Variants in CUL1 observed in about 807,000 individuals in gnomAD.
CUL1 encodes the protein cullin 1.
A neutral mutation model predicts 118.0 loss-of-function variants in CUL1; 24 were observed. The observed-to-expected ratio is 0.20, with a 90% confidence interval of 0.15 to 0.29. The LOEUF (loss-of-function observed/expected upper bound fraction) is 0.29. CUL1 is among the 10% of genes least tolerant of loss of function. The probability of loss-of-function intolerance (pLI) is 1.00; values close to 1 mark genes in which losing one functional copy is unlikely to be tolerated. For missense variants in CUL1, 361 were observed against 933.8 expected (o/e 0.39, Z 7.99); for synonymous variants, 332 against 340.4 (o/e 0.98, Z 0.27).
chr7:148,756,333 C>T (rs908783916), intron 3 of CUL1, among the ~76,000 whole-genome samples: 1 of 148,084 alleles, frequency 6.8e-6, no homozygotes, highest in Non-Finnish European at 1.5e-5. Context: ...ATGTTGATTT[C>T]TTTTTTTTTT....
intron 1 of CUL1, among the ~76,000 whole-genome samples, chr7:148,725,025 T>C (rs557091361): frequency 3.3e-5 from 5 of 152,190 alleles, no homozygotes; most frequent in South Asian, 2.1e-4. Flanking sequence ...TTATAAGATA[T>C]GGATATATAG....
intron 1 of CUL1, among the ~76,000 whole-genome samples, chr7:148,705,158 A>C (rs893341782): frequency 6.6e-6 from 1 of 152,192 alleles, no homozygotes; most frequent in Non-Finnish European, 1.5e-5. Context: ...AAACTGTCCT[A>C]ATCTCATGAA....
At chr7:148,793,894 C>G (rs1289409854) in intron 17 of CUL1, among the ~76,000 whole-genome samples, 1 of 152,086 alleles carries the variant, frequency 6.6e-6, no homozygotes, top group Non-Finnish European at 1.5e-5. Context: ...TTCTCCATAT[C>G]CTCACCAACA....
chr7:148,783,601 A>T (rs1276590679), intron 9 of CUL1, 182 bp from the exon 10 acceptor site: 2 of 1,515,502 alleles, frequency 1.3e-6, no homozygotes, highest in African/African-American at 2.8e-5. Context: ...ATATATATAA[A>T]CAAAATGTCC....
At position 148,745,310 on chromosome 7, in the gene CUL1, A is replaced by G. The variant is rs1584785735; in HGVS notation, c.141-8666A>G. Among the ~76,000 whole-genome samples the G allele has an allele frequency of 2.6e-5, 4 of 152,296 alleles. No homozygotes were observed. In the South Asian group the frequency reaches 6.2e-4, roughly 24 times the overall value. ...AGTTGCTTTAGAGTCTTTGTCTCCT[A>G]ATTCCAACATTTGGGTCAACTACAG... On this transcript the variant is annotated intron_variant, in intron 2 of 21. Transcript: ENST00000325222.
In CUL1 at chr7:148,745,572, T is replaced by A. The variant is rs1255211781; in HGVS notation, c.141-8404T>A. ...TACTTCGGTACATTTAAAATTGGAA[T>A]CATGGTTTAAGTAACTGAAAGTTTC... On this transcript the variant is annotated intron_variant, in intron 2 of 21. Coordinates refer to ENST00000325222, the MANE Select transcript of CUL1 (RefSeq NM_003592.3). Among the ~76,000 whole-genome samples the A allele has an allele frequency of 2.6e-5, 4 of 152,332 alleles. No individual in the cohort carries two copies. The East Asian group carries it at 7.7e-4, about 29-fold the overall frequency.
chr7:148,701,386 C>T (rs1797717710), intron 1 of CUL1, among the ~76,000 whole-genome samples: 1 of 152,154 alleles, frequency 6.6e-6, no homozygotes, highest in African/African-American at 2.4e-5. Flanking sequence ...AGGGCCCTAA[C>T]AGAAAAATGC....
intron 2 of CUL1, among the ~76,000 whole-genome samples, chr7:148,750,207 A>G (rs1799441506): frequency 6.6e-6 from 1 of 152,198 alleles, no homozygotes; most frequent in African/African-American, 2.4e-5. Flanking sequence ...CAGAAAATCT[A>G]GGATCATTGA....
chr7:148,743,420 T>G (rs1360184842), intron 2 of CUL1, among the ~76,000 whole-genome samples: 1 of 152,218 alleles, frequency 6.6e-6, no homozygotes, highest in Non-Finnish European at 1.5e-5. Context: ...GGCTTTTCTT[T>G]TTTTCTTTTC....
chr7:148,711,855 G>C (rs1798064925), intron 1 of CUL1, among the ~76,000 whole-genome samples: 1 of 152,182 alleles, frequency 6.6e-6, no homozygotes, highest in South Asian at 2.1e-4. Flanking sequence ...GAGGATTGTG[G>C]GAACTGTGAA....
At chr7:148,734,117 C>T (rs1385827333) in intron 2 of CUL1, among the ~76,000 whole-genome samples, 1 of 152,116 alleles carries the variant, frequency 6.6e-6, no homozygotes, top group Non-Finnish European at 1.5e-5. Context: ...AGCCATTTCT[C>T]AGACTTGGTT....
chr7:148,773,497 G>A (rs907350731), intron 9 of CUL1, among the ~76,000 whole-genome samples: 4 of 152,148 alleles, frequency 2.6e-5, no homozygotes, highest in Non-Finnish European at 4.4e-5. Flanking sequence ...TGCACCATGG[G>A]TGGTACAGCC....
chr7:148,750,031 C>G (rs1031403725), intron 2 of CUL1, among the ~76,000 whole-genome samples: 3 of 152,186 alleles, frequency 2.0e-5, no homozygotes, highest in African/African-American at 7.2e-5. Flanking sequence ...CAGAGCAAGG[C>G]CCTAACTCTC....
At chr7:148,707,889 T>C (rs1300659704) in intron 1 of CUL1, among the ~76,000 whole-genome samples, 1 of 152,232 alleles carries the variant, frequency 6.6e-6, no homozygotes, top group Non-Finnish European at 1.5e-5. Context: ...GGGTGAACGC[T>C]GTTCTCAGGA....
chr7:148,703,144 G>A (rs1051797387), intron 1 of CUL1, among the ~76,000 whole-genome samples: 1 of 152,182 alleles, frequency 6.6e-6, no homozygotes. Context: ...GATGGAAGAA[G>A]ACTAGAAGAG....
intron 1 of CUL1, among the ~76,000 whole-genome samples, chr7:148,699,702 G>A (rs1262979451): frequency 6.6e-6 from 1 of 152,096 alleles, no homozygotes; most frequent in African/African-American, 2.4e-5. Flanking sequence ...GGGAGAGCGG[G>A]CCGGGGCATG....
chr7:148,780,863 A>G (rs2129462247), intron 9 of CUL1, among the ~76,000 whole-genome samples: 1 of 152,258 alleles, frequency 6.6e-6, no homozygotes, highest in South Asian at 2.1e-4. Context: ...CATTTGATCC[A>G]GCTGATCTCT....
At chr7:148,714,073 G>A (rs1397308233) in intron 1 of CUL1, among the ~76,000 whole-genome samples, 1 of 152,176 alleles carries the variant, frequency 6.6e-6, no homozygotes, top group African/African-American at 2.4e-5. Flanking sequence ...ACAACGAGAA[G>A]CCTGCTATAT....
chr7:148,718,477 T>G (rs553198856), intron 1 of CUL1, among the ~76,000 whole-genome samples: 57 of 152,340 alleles, frequency 3.7e-4, no homozygotes, highest in African/African-American at 1.3e-3. Flanking sequence ...TGGAGTCATA[T>G]GATACGTGGT....
Sources: gnomAD v4.1 joint callset for allele counts (sites outside exome capture counted in the v4.1 genomes callset) on GRCh38, gnomAD v4.1.1 for gene constraint, MANE v1.5 for transcripts, NCBI Gene and HGNC (gene_info 2026-07-23, HGNC 2026-07-21) for gene names.